ALDH1A2: variants seen among roughly 807,000 people sequenced by gnomAD.
ALDH1A2 encodes the protein aldehyde dehydrogenase 1 family member A2.
Under a neutral mutation model 60.3 loss-of-function variants are expected in ALDH1A2, and 27 were observed. The observed-to-expected ratio is 0.45, with a 90% confidence interval of 0.33 to 0.62. The LOEUF is 0.62. Among genes scored for constraint, ALDH1A2 ranks in the 20% least tolerant of loss-of-function variants. The pLI is 0.02. For synonymous variants in ALDH1A2, 289 were observed against 232.4 expected, an observed-to-expected ratio of 1.24 and a Z score of -2.21; for missense variants, 581 against 643.8, an observed-to-expected ratio of 0.90 and a Z score of 1.06.
At chr15:58,031,746 C>A (rs561250204) in intron 1 of ALDH1A2, among the ~76,000 whole-genome samples, 26 of 152,158 alleles carry the variant, frequency 1.7e-4, no homozygotes, top group East Asian at 3.9e-4. Context: ...CAACAGACAC[C>A]TGAAAAAATG....
chr15:58,022,330 G>A (rs1212693314), intron 1 of ALDH1A2, among the ~76,000 whole-genome samples: 1 of 152,152 alleles, frequency 6.6e-6, no homozygotes, highest in African/African-American at 2.4e-5. Flanking sequence ...TACCACATAA[G>A]CTGAAATCTA....
At chr15:58,037,770 A>T (rs1352604278) in intron 1 of ALDH1A2, among the ~76,000 whole-genome samples, 5 of 151,710 alleles carry the variant, frequency 3.3e-5, no homozygotes, top group Non-Finnish European at 7.4e-5. Flanking sequence ...ACTTAAGCCA[A>T]AAGGTTCTAA....
intron 5 of ALDH1A2, among the ~76,000 whole-genome samples, chr15:57,993,690 T>C (rs1894965887): frequency 6.6e-6 from 1 of 152,200 alleles, no homozygotes; most frequent in Non-Finnish European, 1.5e-5. Flanking sequence ...CATGAGTAGA[T>C]GAGGTTGGGG....
At chr15:58,060,608 C>G (rs1566964275) in intron 1 of ALDH1A2, among the ~76,000 whole-genome samples, 1 of 151,532 alleles carries the variant, frequency 6.6e-6, no homozygotes, top group Non-Finnish European at 1.5e-5. Flanking sequence ...TATTTTAACT[C>G]AGAGTCTCTC....
intron 1 of ALDH1A2, among the ~76,000 whole-genome samples, chr15:58,054,785 GT>G (rs1896855322): frequency 6.6e-6 from 1 of 152,130 alleles, no homozygotes; most frequent in Non-Finnish European, 1.5e-5. Flanking sequence ...ATAAACAGGT[GT>G]TATTAAGGGC....
At chr15:58,059,593 A>C (rs763690003) in intron 1 of ALDH1A2, among the ~76,000 whole-genome samples, 4 of 152,250 alleles carry the variant, frequency 2.6e-5, no homozygotes, top group Non-Finnish European at 4.4e-5. Context: ...TTAAAATACC[A>C]GAAACGTCTA....
rs754187539 is a variant in ALDH1A2 at position 58,050,510 on chromosome 15, ATTTAT to A, written c.117+15019_117+15023del. Among the ~76,000 whole-genome samples, 130 of 152,296 alleles carry A rather than the reference ATTTAT, an allele frequency of 8.5e-4. 1 individual carries two copies. Among genetic ancestry groups the A allele is most frequent in the Admixed American group, 5.2e-3 (79 of 15,294 alleles). On this transcript the variant is annotated intron_variant, in intron 1 of 12. Transcript: ENST00000249750. Reference sequence around the variant, plus strand: ...TAATCTTCAAATTTCACTAAAAATCATTTATTTTATCTGACAATCCCACCATGTTT... The same window carrying A: ...TAATCTTCAAATTTCACTAAAAATCATTTATCTGACAATCCCACCATGTTT...
At chr15:58,001,336 G>A (rs1282325704) in intron 4 of ALDH1A2, among the ~76,000 whole-genome samples, 1 of 151,848 alleles carries the variant, frequency 6.6e-6, no homozygotes, top group East Asian at 1.9e-4. Context: ...ACAAATCACA[G>A]AATTAGAGTA....
intron 7 of ALDH1A2, among the ~76,000 whole-genome samples, chr15:57,970,845 T>C (rs139407251): frequency 1.7e-3 from 258 of 152,340 alleles, no homozygotes; most frequent in Middle Eastern, 3.4e-3. Context: ...TTCTTCCCTC[T>C]TCTCCTTTCT....
Position 57,955,173 on chromosome 15 carries a change from G to T in ALDH1A2, c.*24C>A, listed in dbSNP as rs202016768. On this transcript the variant is annotated 3_prime_UTR_variant, in exon 13 of 13. Coordinates refer to ENST00000249750, the MANE Select transcript of ALDH1A2 (RefSeq NM_003888.4). The stretch of plus-strand genomic sequence containing the variant: ...AGAGAGGGACAGACGTGCAGGCTGG[G>T]CTTCATCCTCCTTCTTGGCCTTCTT... 56 of 1,610,774 alleles carry T rather than the reference G, an allele frequency of 3.5e-5. No homozygotes were observed. Among genetic ancestry groups the T allele is most frequent in the Middle Eastern group, 1.6e-4 (1 of 6,062 alleles).
chr15:58,042,494 G>A (rs1403183958), intron 1 of ALDH1A2, among the ~76,000 whole-genome samples: 1 of 151,936 alleles, frequency 6.6e-6, no homozygotes, highest in Non-Finnish European at 1.5e-5. Flanking sequence ...AAGCAAGTAT[G>A]AATTAAAAAC....
At chr15:58,053,087 T>C (rs1287746272) in intron 1 of ALDH1A2, among the ~76,000 whole-genome samples, 1 of 152,098 alleles carries the variant, frequency 6.6e-6, no homozygotes, top group Non-Finnish European at 1.5e-5. Context: ...TGATACCGGC[T>C]CTCATAAAAA....
At chr15:57,977,107 T>C (rs1424791578) in intron 7 of ALDH1A2, among the ~76,000 whole-genome samples, 8 of 152,178 alleles carry the variant, frequency 5.3e-5, no homozygotes, top group African/African-American at 1.9e-4. Flanking sequence ...TTTTTTTTTT[T>C]TTCTTGTAAA....
intron 1 of ALDH1A2, among the ~76,000 whole-genome samples, chr15:58,024,450 A>G (rs1170449889): frequency 6.6e-6 from 1 of 152,234 alleles, no homozygotes; most frequent in Non-Finnish European, 1.5e-5. Flanking sequence ...TATATCAGAT[A>G]AAAACAGATT....
At chr15:58,038,535 A>G (rs537743674) in intron 1 of ALDH1A2, 3 of 151,894 alleles carry the variant, frequency 2.0e-5, no homozygotes, top group East Asian at 1.9e-4. Flanking sequence ...CAGAATTCCC[A>G]TATCTGTCTC....
intron 3 of ALDH1A2, among the ~76,000 whole-genome samples, chr15:58,012,527 C>A (rs564063295): frequency 8.5e-4 from 129 of 152,220 alleles, no homozygotes; most frequent in Non-Finnish European, 1.5e-3. Flanking sequence ...TTTTCCTGAG[C>A]CTTTAATATG....
intron 1 of ALDH1A2, among the ~76,000 whole-genome samples, chr15:58,045,590 T>C (rs1896618827): frequency 6.6e-6 from 1 of 152,100 alleles, no homozygotes; most frequent in African/African-American, 2.4e-5. Context: ...TCATGTCCTT[T>C]GCAGGGACAT....
chr15:57,997,130 G>A lies in ALDH1A2; in HGVS notation c.494-1991C>T, dbSNP rs8025781. 2.6e-5 allele frequency among the ~76,000 whole-genome samples: 4 copies of A among 151,932 alleles called. No individual in the cohort carries two copies. In the East Asian group the frequency reaches 7.7e-4, roughly 29 times the overall value. ...GAAATTAATTTAAAATATCTATTAC[G>A]AGAAAAAATAGCGAAGATGTTGCAA... On this transcript the variant is annotated intron_variant, in intron 4 of 12. Transcript: ENST00000249750.
chr15:57,999,766 A>G (rs1353179335), intron 4 of ALDH1A2, among the ~76,000 whole-genome samples: 2 of 152,084 alleles, frequency 1.3e-5, no homozygotes, highest in Non-Finnish European at 2.9e-5. Context: ...ATGCATGTGT[A>G]TGTTCATTGC....
Sources: gnomAD v4.1 joint callset for allele counts (sites outside exome capture counted in the v4.1 genomes callset) on GRCh38, gnomAD v4.1.1 for gene constraint, MANE v1.5 for transcripts, NCBI Gene and HGNC (gene_info 2026-07-23, HGNC 2026-07-21) for gene names.